NFIA: variants seen among roughly 807,000 people sequenced by gnomAD.
The protein encoded by NFIA is nuclear factor 1 A-type.
A neutral mutation model predicts 62.8 loss-of-function variants in NFIA; 8 were observed. The ratio of observed to expected loss-of-function variants is 0.13; its 90% CI spans 0.07 to 0.23. The LOEUF (loss-of-function observed/expected upper bound fraction) is 0.23, where lower values mean the gene tolerates loss of function less well. NFIA is among the 10% of genes least tolerant of loss of function. NFIA has a pLI of 1.00. For missense variants in NFIA, 410 were observed against 642.1 expected, an observed-to-expected ratio of 0.64 and a Z score of 3.91; for synonymous variants, 235 against 238.1, an observed-to-expected ratio of 0.99 and a Z score of 0.12.
At chr1:61,420,124 A>G (rs1194564560) in intron 9 of NFIA, among the ~76,000 whole-genome samples, 3 of 152,188 alleles carry the variant, frequency 2.0e-5, no homozygotes, top group Non-Finnish European at 2.9e-5. Flanking sequence ...GATTTTTAAA[A>G]GGCTGTTTCT....
At chr1:61,300,757 T>C (rs1659455533) in intron 3 of NFIA, among the ~76,000 whole-genome samples, 1 of 152,104 alleles carries the variant, frequency 6.6e-6, no homozygotes, top group Non-Finnish European at 1.5e-5. Context: ...GATATGTATG[T>C]ATGTGTTTAT....
At chr1:61,346,462 G>C (rs964697818) in intron 4 of NFIA, among the ~76,000 whole-genome samples, 2 of 152,200 alleles carry the variant, frequency 1.3e-5, no homozygotes, top group Non-Finnish European at 2.9e-5. Flanking sequence ...TAGTTAAAAA[G>C]TATACTGTGT....
At chr1:61,189,838 C>T (rs961331577) in intron 2 of NFIA, among the ~76,000 whole-genome samples, 5 of 151,994 alleles carry the variant, frequency 3.3e-5, no homozygotes, top group East Asian at 1.9e-4. Context: ...GAGGGCTAGG[C>T]GTGTTGAATC....
Position 61,088,283 on chromosome 1 carries a change from A to T in NFIA, c.162A>T (p.Arg54Ser). ...HEKRMSKEEE[R>S]AVKDELLSEK... ...AGCGTATGTCAAAAGAAGAAGAGAG[A>T]GCCGTGAAGGATGAATTGCTAAGTG... Residue 54 changes from arginine to serine, a missense_variant, in exon 2 of 11, where the codon AGA becomes AGT. Arg to Ser is a moderately radical substitution (Grantham distance 110). Around this residue, in one of 3 missense-constraint regions of NFIA, gnomAD observed 86 missense variants for 124.6 expected, o/e 0.69. Coordinates refer to ENST00000403491, the MANE Select transcript of NFIA (RefSeq NM_001134673.4). This position sits in a 1 kb window ranked among gnomAD's most constrained non-coding sequence, Gnocchi z 4.5. 6.2e-7 allele frequency: 1 copy of T among 1,613,612 alleles called. No individual in the cohort carries two copies. The highest frequency in any genetic ancestry group is 8.5e-7 in the Non-Finnish European group (1 of 1,179,938).
intron 3 of NFIA, among the ~76,000 whole-genome samples, chr1:61,316,646 G>A (rs116007645): frequency 7.2e-5 from 11 of 152,282 alleles, no homozygotes; most frequent in Non-Finnish European, 1.5e-4. Flanking sequence ...GAACAAGAGC[G>A]CTCTTACTTG....
intron 6 of NFIA, among the ~76,000 whole-genome samples, chr1:61,375,534 T>C (rs1664106518): frequency 6.6e-6 from 1 of 152,088 alleles, no homozygotes; most frequent in South Asian, 2.1e-4. Flanking sequence ...TAAGTAGTAC[T>C]CCCCCGCGCC....
chr1:61,272,846 C>A lies in NFIA; in HGVS notation c.560-4674C>A, dbSNP rs1433702522. Among the ~76,000 whole-genome samples the A allele has an allele frequency of 2.0e-5, 3 of 152,156 alleles. No homozygotes were observed. In the East Asian group the frequency reaches 5.8e-4, roughly 29 times the overall value. On this transcript the variant is annotated intron_variant, in intron 2 of 10. Coordinates refer to ENST00000403491, the MANE Select transcript of NFIA (RefSeq NM_001134673.4). ...TGAGAGTGGAATTTTCGCTTTATTTCTTTCACTAATATTTTTGGGTTTGGA... is the reference window on the plus strand; with the variant it reads ...TGAGAGTGGAATTTTCGCTTTATTTATTTCACTAATATTTTTGGGTTTGGA...
chr1:61,089,492 G>A (rs1234691107), intron 2 of NFIA, among the ~76,000 whole-genome samples: 2 of 151,754 alleles, frequency 1.3e-5, no homozygotes, highest in African/African-American at 4.8e-5. Flanking sequence ...TTTTTACTTT[G>A]TTCCTTTCGT....
In NFIA at chr1:61,134,245, A is replaced by AGTGT. The variant is rs61677972; in HGVS notation, c.559+45604_559+45607dup. On this transcript the variant is annotated intron_variant, in intron 2 of 10. Transcript: ENST00000403491. ...GGGTGCTTTACAGACTGTGTGTGTG[A>AGTGT]GTGTGTGTGTGTGTGTGTGTGTGTG... Among the ~76,000 whole-genome samples the AGTGT allele has an allele frequency of 3.4e-3, 495 of 146,402 alleles. 5 individuals carry two copies. Among genetic ancestry groups the AGTGT allele is most frequent in the East Asian group, 0.011 (57 of 4,958 alleles).
chr1:61,346,167 A>G (rs563534251), intron 4 of NFIA, among the ~76,000 whole-genome samples: 5 of 152,214 alleles, frequency 3.3e-5, no homozygotes, highest in Non-Finnish European at 7.3e-5. Context: ...ACAAAGCATG[A>G]TAAAGCCCAG....
intron 3 of NFIA, among the ~76,000 whole-genome samples, chr1:61,302,901 T>C (rs1209917440): frequency 6.6e-6 from 1 of 152,204 alleles, no homozygotes; most frequent in Admixed American, 6.5e-5. Context: ...GGAAAATTAC[T>C]CTTTTTTTCA....
In NFIA at chr1:61,327,781, G is replaced by C. The variant is rs374873888; in HGVS notation, c.626-4731G>C. ...TTCTTTTCCTTTGAGTAGGTACCAAGTAGTGGGATTGCTGGATCAAGTGGT... is the reference window on the plus strand; with the variant it reads ...TTCTTTTCCTTTGAGTAGGTACCAACTAGTGGGATTGCTGGATCAAGTGGT... On this transcript the variant is annotated intron_variant, in intron 3 of 10. Transcript: ENST00000403491. 1.5e-4 allele frequency among the ~76,000 whole-genome samples: 23 copies of C among 152,268 alleles called. No individual in the cohort carries two copies. In the East Asian group the frequency reaches 2.3e-3, roughly 15 times the overall value.
chr1:61,159,138 C>T (rs1048991568), intron 2 of NFIA, among the ~76,000 whole-genome samples: 1 of 151,940 alleles, frequency 6.6e-6, no homozygotes, highest in Admixed American at 6.6e-5. Flanking sequence ...CGAGGAATTA[C>T]CGAGACTAGT....
At chr1:61,323,328 A>G (rs977245055) in intron 3 of NFIA, among the ~76,000 whole-genome samples, 1 of 152,214 alleles carries the variant, frequency 6.6e-6, no homozygotes, top group Non-Finnish European at 1.5e-5. Context: ...CTCAGGCACA[A>G]CTTTCTAGAT....
chr1:61,217,295 C>A (rs151171908), intron 2 of NFIA, among the ~76,000 whole-genome samples: 3,884 of 151,526 alleles, frequency 0.026, 169 homozygotes, highest in African/African-American at 0.089. Context: ...GTCTTGAACT[C>A]CTGATCTCGT....
chr1:61,250,234 C>A (rs1306789428), intron 2 of NFIA: 1 of 152,132 alleles, frequency 6.6e-6, no homozygotes, highest in Admixed American at 6.6e-5. Context: ...AATATAAGTG[C>A]TAGAAATGTG....
upstream of NFIA, among the ~76,000 whole-genome samples, chr1:61,079,985 C>T (rs1391903156): frequency 1.3e-5 from 2 of 152,130 alleles, no homozygotes; most frequent in African/African-American, 4.8e-5. Flanking sequence ...GTAGTTGGAA[C>T]TGTGCTTTGT....
At chr1:61,263,705 A>G (rs1416653108) in intron 2 of NFIA, among the ~76,000 whole-genome samples, 2 of 152,192 alleles carry the variant, frequency 1.3e-5, no homozygotes, top group African/African-American at 2.4e-5. Context: ...CAAAAAACAA[A>G]TAGCATTGGC....
chr1:61,189,797 CT>C (rs1290869567), intron 2 of NFIA, among the ~76,000 whole-genome samples: 4 of 152,166 alleles, frequency 2.6e-5, no homozygotes, highest in Admixed American at 6.5e-5. Flanking sequence ...GACTTCCTGT[CT>C]TCTTACATCC....
Sources: gnomAD v4.1 joint callset for allele counts (sites outside exome capture counted in the v4.1 genomes callset) on GRCh38, gnomAD v4.1.1 for gene constraint, gnomAD v4.1.1 regional missense constraint, Gnocchi (gnomAD v3.1) non-coding constraint, MANE v1.5 for transcripts, NCBI Gene and HGNC (gene_info 2026-07-23, HGNC 2026-07-21) for gene names.